TNKS: variants seen among roughly 807,000 people sequenced by gnomAD.
TNKS encodes tankyrase, also known as poly [ADP-ribose] polymerase tankyrase-1.
TNKS carries 72 observed loss-of-function variants against 135.8 expected under a neutral mutation model. The ratio of observed to expected loss-of-function variants is 0.53; its 90% CI spans 0.44 to 0.64. TNKS has a LOEUF of 0.64. TNKS is among the 30% of genes least tolerant of loss of function. TNKS has a pLI of 0.00. For synonymous variants in TNKS, 849 were observed against 649.3 expected, an observed-to-expected ratio of 1.31 and a Z score of -4.68; for missense variants, 1,769 against 1,674.0, an observed-to-expected ratio of 1.06 and a Z score of -0.99.
intron 9 of TNKS, among the ~76,000 whole-genome samples, chr8:9,708,942 A>C (rs553823722): frequency 1.6e-4 from 25 of 152,168 alleles, no homozygotes; most frequent in Non-Finnish European, 1.5e-5. Context: ...TGGCAAGATC[A>C]TGAATTTTTT....
rs748534259 is a variant in TNKS at position 9,706,821 on chromosome 8, G to C, written c.1280G>C (p.Cys427Ser). Reference protein sequence around the residue: ...VTELLLKHGACVNAMDLWQFT... With the variant: ...VTELLLKHGASVNAMDLWQFT... ...TTTTTCTCAATTCAGCATGGAGCTT[G>C]TGTTAATGCCATGGATCTCTGGCAG... The change falls in exon 8 of 27, where the codon TGT becomes TCT. Residue 427 changes from cysteine to serine, a missense_variant. Cys to Ser is a moderately radical substitution (Grantham distance 112). This residue lies in a region of TNKS where 523 missense variants were observed against 541.0 expected (regional missense o/e 0.97). Transcript: ENST00000310430. The C allele has an allele frequency of 2.5e-6, 4 of 1,611,074 alleles. No homozygotes were observed. Among genetic ancestry groups the C allele is most frequent in the South Asian group, 1.1e-5 (1 of 90,316 alleles).
chr8:9,708,395 T>A lies in TNKS; in HGVS notation c.1481T>A (p.Leu494Gln), dbSNP rs771590781. 3 of 1,608,118 alleles carry A rather than the reference T, an allele frequency of 1.9e-6. No homozygotes were observed. In the African/African-American group the frequency reaches 4.0e-5, roughly 21 times the overall value. ...LTYEFKGHSL[L>Q]QAAREADLAK... ...GATGAATTTAAAGGTCATTCTTTAC[T>A]ACAAGCAGCCAGAGAAGCAGACTTA... Residue 494 changes from leucine (L) to glutamine (Q), a missense_variant, in exon 9 of 27, where the codon CTA becomes CAA. By Grantham distance (113) the Leu-to-Gln change is moderately radical. Transcript: ENST00000310430.
At chr8:9,744,819 A>G (rs981586944) in intron 17 of TNKS, among the ~76,000 whole-genome samples, 3 of 152,184 alleles carry the variant, frequency 2.0e-5, no homozygotes, top group South Asian at 2.1e-4. Flanking sequence ...CTTCCTGTTC[A>G]TTGTTCTTTC....
At chr8:9,693,091 C>T (rs188582579) in intron 5 of TNKS, among the ~76,000 whole-genome samples, 5 of 152,216 alleles carry the variant, frequency 3.3e-5, no homozygotes, top group African/African-American at 1.2e-4. Context: ...ATTTTAATGG[C>T]TAATGTAATA....
intron 5 of TNKS, among the ~76,000 whole-genome samples, chr8:9,685,401 A>G (rs1342347043): frequency 6.6e-6 from 1 of 152,206 alleles, no homozygotes; most frequent in Non-Finnish European, 1.5e-5. Context: ...AAGTGAAATA[A>G]TGTGGTCAGT....
At chr8:9,763,320 G>C in intron 22 of TNKS, 76 bp downstream of exon 22, 1 of 959,400 alleles carries the variant, frequency 1.0e-6, no homozygotes, top group Non-Finnish European at 1.6e-6. Context: ...AATTAACCTC[G>C]TCTTACATTG....
chr8:9,717,101 A>ATATATATATTTTTTTTTTTTT (rs1454492300), intron 11 of TNKS, among the ~76,000 whole-genome samples: 2 of 119,318 alleles, frequency 1.7e-5, no homozygotes, highest in African/African-American at 5.8e-5. Flanking sequence ...ATATATATAT[A>ATATATATATTTTTTTTTTTTT]TTTTCAGGGA....
At chr8:9,688,114 C>A (rs748151921) in intron 5 of TNKS, among the ~76,000 whole-genome samples, 16 of 152,148 alleles carry the variant, frequency 1.1e-4, no homozygotes, top group Non-Finnish European at 2.1e-4. Context: ...TTATAACTTA[C>A]ATGTTTCTAT....
chr8:9,620,497 A>C (rs1178736848), intron 3 of TNKS, among the ~76,000 whole-genome samples: 1 of 152,164 alleles, frequency 6.6e-6, no homozygotes, highest in African/African-American at 2.4e-5. Flanking sequence ...CTATAATCAG[A>C]AAATTCTTTA....
chr8:9,611,728 A>C (rs1211482460), intron 2 of TNKS, among the ~76,000 whole-genome samples: 1 of 152,206 alleles, frequency 6.6e-6, no homozygotes, highest in Non-Finnish European at 1.5e-5. Flanking sequence ...ATAAATCCCC[A>C]TAGAGAACAG....
chr8:9,773,735 T>C (rs538127923), intron 26 of TNKS, among the ~76,000 whole-genome samples: 1 of 150,304 alleles, frequency 6.7e-6, no homozygotes, highest in South Asian at 2.1e-4. Flanking sequence ...AAAAAAAAAA[T>C]GCCTAAATAA....
At chr8:9,701,862 C>A (rs150113746) in intron 5 of TNKS, among the ~76,000 whole-genome samples, 15 of 152,252 alleles carry the variant, frequency 9.9e-5, no homozygotes, top group Non-Finnish European at 8.8e-5. Context: ...GGGCCCCTTA[C>A]AGTGTTCAGA....
At chr8:9,576,324 C>G (rs1797942513) in intron 1 of TNKS, among the ~76,000 whole-genome samples, 1 of 152,042 alleles carries the variant, frequency 6.6e-6, no homozygotes, top group Admixed American at 6.6e-5. Flanking sequence ...TTTTAATTGA[C>G]TCATAGTTCT....
At chr8:9,750,773 G>A (rs936251135) in intron 18 of TNKS, among the ~76,000 whole-genome samples, 1 of 152,186 alleles carries the variant, frequency 6.6e-6, no homozygotes, top group Non-Finnish European at 1.5e-5. Context: ...CACACGTCTG[G>A]GAGTTGACTG....
intron 1 of TNKS, chr8:9,557,917 G>C (rs1359249853): frequency 6.6e-6 from 1 of 152,178 alleles, no homozygotes; most frequent in Admixed American, 6.5e-5. Context: ...TGATTTTAGA[G>C]CTTGTGAAAT....
chr8:9,611,830 G>A (rs977247041), intron 2 of TNKS, among the ~76,000 whole-genome samples: 1 of 152,296 alleles, frequency 6.6e-6, no homozygotes, highest in South Asian at 2.1e-4. Context: ...TTAAGAATGT[G>A]TCTGATAACC....
chr8:9,644,286 C>A (rs147811826), intron 3 of TNKS, among the ~76,000 whole-genome samples: 57 of 152,174 alleles, frequency 3.7e-4, no homozygotes, highest in African/African-American at 1.3e-3. Context: ...CTGGTAGTGG[C>A]TGAGGTGATG....
At position 9,778,082 on chromosome 8, in the gene TNKS, A is replaced by G. The variant is rs922457485; in HGVS notation, c.*1346A>G. ...TGAAGGTGAGAAAGAAATACCATAC[A>G]ATTTTCTTTGTGAAATTACTGTTTA... On this transcript the variant is annotated 3_prime_UTR_variant, in exon 27 of 27. Transcript: ENST00000310430. 4 of 152,602 alleles carry G rather than the reference A, an allele frequency of 2.6e-5. No individual in the cohort carries two copies. The highest frequency in any genetic ancestry group is 9.7e-5 in the African/African-American group (4 of 41,434). The allele number at this position is 152,602 out of a possible 1,614,324, so 9.5% of individuals were successfully genotyped here. A position where few individuals can be genotyped will look rare whatever the true frequency, so the allele number is the denominator to read the frequency against.
At chr8:9,688,657 T>C (rs937034226) in intron 5 of TNKS, among the ~76,000 whole-genome samples, 1 of 152,176 alleles carries the variant, frequency 6.6e-6, no homozygotes, top group African/African-American at 2.4e-5. Context: ...TTTTTTCTTT[T>C]GAGACAGAGT....
Sources: gnomAD v4.1 joint callset for allele counts (sites outside exome capture counted in the v4.1 genomes callset) on GRCh38, gnomAD v4.1.1 for gene constraint, gnomAD v4.1.1 regional missense constraint, MANE v1.5 for transcripts, NCBI Gene and HGNC (gene_info 2026-07-23, HGNC 2026-07-21) for gene names.